PSD4: variants seen among roughly 807,000 people sequenced by gnomAD.
The protein encoded by PSD4 is pleckstrin and Sec7 domain containing 4, also known as PH and SEC7 domain-containing protein 4.
PSD4 carries 59 observed loss-of-function variants against 112.5 expected under a neutral mutation model. That is an observed-to-expected ratio of 0.52 (90% CI 0.43 to 0.65). The LOEUF is 0.65. Ranked by LOEUF, PSD4 falls within the 30% of genes least tolerant of loss-of-function variation. The probability of loss-of-function intolerance (pLI) is 0.00; values close to 1 mark genes in which losing one functional copy is unlikely to be tolerated. For missense variants in PSD4, 1,267 were observed against 1,352.6 expected, an observed-to-expected ratio of 0.94 and a Z score of 0.99; for synonymous variants, 533 against 540.0, an observed-to-expected ratio of 0.99 and a Z score of 0.18.
Position 113,201,142 on chromosome 2 carries a change from G to A in PSD4, c.2914-16G>A, listed in dbSNP as rs764048862. 6.3e-7 allele frequency: 1 copy of A among 1,598,958 alleles called. No individual in the cohort carries two copies. Among genetic ancestry groups the A allele is most frequent in the Admixed American group, 1.7e-5 (1 of 59,366 alleles). ...AGCCAGGATGGTGCTAAGGTGGTGGGGCCTGTGTGTTGCAGAAAACCCGCT... is the reference window on the plus strand; with the variant it reads ...AGCCAGGATGGTGCTAAGGTGGTGGAGCCTGTGTGTTGCAGAAAACCCGCT... On this transcript the variant is annotated splice_polypyrimidine_tract_variant and intron_variant, in intron 16 of 16. Transcript: ENST00000245796.
intron 5 of PSD4, among the ~76,000 whole-genome samples, chr2:113,188,368 C>T (rs891053915): frequency 3.9e-5 from 6 of 152,018 alleles, no homozygotes; most frequent in South Asian, 2.1e-4. Context: ...CTTAGCCTTC[C>T]GAGTAGCTGG....
At chr2:113,199,784 G>A (rs1263459896) in intron 16 of PSD4, among the ~76,000 whole-genome samples, 1 of 152,152 alleles carries the variant, frequency 6.6e-6, no homozygotes, top group Non-Finnish European at 1.5e-5. Context: ...TGCTCTAAAT[G>A]CCCCGTTTAT....
chr2:113,175,558 G>A (rs752314496), intron 1 of PSD4, among the ~76,000 whole-genome samples: 24 of 152,144 alleles, frequency 1.6e-4, no homozygotes, highest in African/African-American at 5.1e-4. Context: ...GCAGCTTCTC[G>A]GGCTGCAGAG....
At chr2:113,174,912 G>A (rs1687926751) in intron 1 of PSD4, among the ~76,000 whole-genome samples, 2 of 152,186 alleles carry the variant, frequency 1.3e-5, no homozygotes, top group African/African-American at 4.8e-5. Flanking sequence ...GTCATTAGCT[G>A]ATGATAAATA....
intron 5 of PSD4, among the ~76,000 whole-genome samples, chr2:113,186,995 T>C (rs548874245): frequency 1.1e-4 from 17 of 152,332 alleles, no homozygotes; most frequent in African/African-American, 3.1e-4. Flanking sequence ...ATGGACCTAA[T>C]GGTGCAGTCC....
At position 113,207,506 on chromosome 2, in the gene PSD4, G is replaced by T. The variant is rs1688880435; in HGVS notation, c.*6091G>T. The stretch of plus-strand genomic sequence containing the variant: ...GAGTCTTGCTCGGTCGCCCAGGCTG[G>T]AGTGCGGTGGCATGATCTCGGCTCA... On this transcript the variant is annotated 3_prime_UTR_variant, in exon 17 of 17. Coordinates refer to ENST00000245796, the MANE Select transcript of PSD4 (RefSeq NM_012455.3). 1 of 133,970 alleles carries T rather than the reference G, an allele frequency of 7.5e-6. No homozygotes were observed. The highest frequency in any genetic ancestry group is 1.5e-5 in the Non-Finnish European group (1 of 65,722). The allele number at this position is 133,970 out of a possible 1,614,324, so 8.3% of individuals were successfully genotyped here. A position where few individuals can be genotyped will look rare whatever the true frequency, so the allele number is the denominator to read the frequency against.
intron 6 of PSD4, 66 bp downstream of exon 6, chr2:113,192,655 TCCCTCCACTGGCCACCCTC>T: frequency 6.5e-7 from 1 of 1,530,412 alleles, no homozygotes; most frequent in Admixed American, 1.8e-5. Flanking sequence ...GCTGAAGGGC[TCCCTCCACTGGCCACCCTC>T]CCCTTCCCGT....
chr2:113,201,443 C>A lies in PSD4; in HGVS notation c.*28C>A. 6.2e-7 allele frequency: 1 copy of A among 1,610,270 alleles called. No individual in the cohort carries two copies. Among genetic ancestry groups the A allele is most frequent in the Non-Finnish European group, 8.5e-7 (1 of 1,178,732 alleles). On this transcript the variant is annotated 3_prime_UTR_variant, in exon 17 of 17. Coordinates refer to ENST00000245796, the MANE Select transcript of PSD4 (RefSeq NM_012455.3). ...CCAGCACCACCTCAGAGACACTGTTCCCTGCTCCAGGGTAGACCTGAGATG... is the reference window on the plus strand; with the variant it reads ...CCAGCACCACCTCAGAGACACTGTTACCTGCTCCAGGGTAGACCTGAGATG...
chr2:113,195,981 A>G (rs1356596143), intron 11 of PSD4, among the ~76,000 whole-genome samples, 166 bp from the exon 12 acceptor site: 1 of 152,056 alleles, frequency 6.6e-6, no homozygotes, highest in East Asian at 1.9e-4. Context: ...GGTATGGCAG[A>G]ATTTTCAGGA....
chr2:113,199,000 G>T, intron 15 of PSD4, 83 bp from the exon 16 acceptor site: 1 of 1,514,718 alleles, frequency 6.6e-7, no homozygotes, highest in Non-Finnish European at 8.8e-7. Flanking sequence ...GAACCGAGGC[G>T]GCCAGGGGGG....
intron 16 of PSD4, among the ~76,000 whole-genome samples, 190 bp downstream of exon 16, chr2:113,199,416 G>A (rs1250842957): frequency 6.6e-6 from 1 of 152,260 alleles, no homozygotes; most frequent in East Asian, 1.9e-4. Flanking sequence ...GCGTGCACGG[G>A]CGTGCACAAA....
intron 1 of PSD4, among the ~76,000 whole-genome samples, chr2:113,174,854 T>C (rs6760120): frequency 0.51 from 77,771 of 151,998 alleles, 20,664 homozygotes; most frequent in African/African-American, 0.65. Flanking sequence ...GGCCTAAAAT[T>C]CCACAGTTGA....
intron 1 of PSD4, among the ~76,000 whole-genome samples, chr2:113,178,885 C>T (rs992360377): frequency 2.6e-5 from 4 of 152,148 alleles, no homozygotes; most frequent in Admixed American, 2.6e-4. Context: ...CAGGACTTTA[C>T]AGAGACGTGG....
Position 113,192,896 on chromosome 2 carries a change from C to G in PSD4, c.1839-152C>G, listed in dbSNP as rs1016075328. 8 of 745,274 alleles carry G rather than the reference C, an allele frequency of 1.1e-5. No homozygotes were observed. The Admixed American group carries it at 1.9e-4, about 18-fold the overall frequency. 46.2% of individuals were successfully genotyped at this position (745,274 alleles called of 1,614,324 possible). On this transcript the variant is annotated intron_variant, in intron 6 of 16. Coordinates refer to ENST00000245796, the MANE Select transcript of PSD4 (RefSeq NM_012455.3). ...GGGCATACCAGACCCTGGCTGCCCC[C>G]TTGCTCTGTCAGGACCCAAGGCCCA...
rs1016075328 is a variant in PSD4, at chr2:113,192,896, C to A, written c.1839-152C>A. On this transcript the variant is annotated intron_variant, in intron 6 of 16. Coordinates refer to ENST00000245796, the MANE Select transcript of PSD4 (RefSeq NM_012455.3). ...GGGCATACCAGACCCTGGCTGCCCC[C>A]TTGCTCTGTCAGGACCCAAGGCCCA... 9.4e-6 allele frequency: 7 copies of A among 745,274 alleles called. No homozygotes were observed. In the Admixed American group the frequency reaches 1.9e-4, roughly 20 times the overall value. The allele number at this position is 745,274 out of a possible 1,614,324, so 46.2% of individuals were successfully genotyped here.
Position 113,202,268 on chromosome 2 carries a change from C to T in PSD4, c.*853C>T, listed in dbSNP as rs1020700242. The T allele has an allele frequency of 6.6e-6, 1 of 152,260 alleles. No individual in the cohort carries two copies. The highest frequency in any genetic ancestry group is 6.5e-5 in the Admixed American group (1 of 15,288). 9.4% of individuals were successfully genotyped at this position (152,260 alleles called of 1,614,324 possible). On this transcript the variant is annotated 3_prime_UTR_variant, in exon 17 of 17. Transcript: ENST00000245796. ...CCAACAGAGCAGAGAAGGAGGTTCT[C>T]TATGTTCAGACCACTGGAGAGGATA...
At chr2:113,190,704 C>T (rs1688419933) in intron 5 of PSD4, among the ~76,000 whole-genome samples, 1 of 152,216 alleles carries the variant, frequency 6.6e-6, no homozygotes, top group Non-Finnish European at 1.5e-5. Flanking sequence ...ATCCTCCCAC[C>T]TCGGCCTCCC....
chr2:113,179,913 T>C (rs543447969), intron 1 of PSD4, among the ~76,000 whole-genome samples: 9 of 152,252 alleles, frequency 5.9e-5, no homozygotes, highest in African/African-American at 2.2e-4. Context: ...GAGGGTGTCA[T>C]CCAGCAAGTC....
chr2:113,198,903 G>A lies in PSD4; in HGVS notation c.2769+19G>A. On this transcript the variant is annotated intron_variant, in intron 15 of 16. Transcript: ENST00000245796. ...CTCCCTGGTACGGCCTCCGGGAAGGGGTGGGGTCCGGCGGAACTGGGAATG... is the reference window on the plus strand; with the variant it reads ...CTCCCTGGTACGGCCTCCGGGAAGGAGTGGGGTCCGGCGGAACTGGGAATG... 1.3e-6 allele frequency: 2 copies of A among 1,560,706 alleles called. No individual in the cohort carries two copies. The highest frequency in any genetic ancestry group is 1.4e-5 in the African/African-American group (1 of 74,012).
Sources: allele counts gnomAD v4.1 joint callset (sites outside exome capture counted in the v4.1 genomes callset), GRCh38; gene constraint gnomAD v4.1.1; transcripts MANE v1.5; gene names NCBI Gene and HGNC (gene_info 2026-07-23, HGNC 2026-07-21).